KIAA0513: variants seen among roughly 807,000 people sequenced by gnomAD.
KIAA0513 encodes uncharacterized protein KIAA0513.
In KIAA0513, 39 loss-of-function variants were observed where a neutral mutation model predicts 56.5. The ratio of observed to expected loss-of-function variants is 0.69; its 90% CI spans 0.53 to 0.90. The LOEUF (loss-of-function observed/expected upper bound fraction) is 0.90. Among genes scored for constraint, KIAA0513 ranks in the 40% least tolerant of loss-of-function variants. The pLI is 0.00. For synonymous variants in KIAA0513, 268 were observed against 215.6 expected (o/e 1.24, Z -2.13); for missense variants, 591 against 535.2 (o/e 1.10, Z -1.03).
chr16:85,059,676 G>A (rs977942029), intron 1 of KIAA0513, among the ~76,000 whole-genome samples: 1 of 152,178 alleles, frequency 6.6e-6, no homozygotes, highest in Non-Finnish European at 1.5e-5. Context: ...TTTGTGTAGT[G>A]CTGCACTTTG....
chr16:85,053,863 G>A (rs762486873), intron 1 of KIAA0513, among the ~76,000 whole-genome samples: 16 of 152,170 alleles, frequency 1.1e-4, no homozygotes, highest in Non-Finnish European at 1.9e-4. Flanking sequence ...ATGGTGGCGT[G>A]CACCTGTAGT....
chr16:85,045,865 C>T (rs557651088), intron 1 of KIAA0513, among the ~76,000 whole-genome samples: 1 of 152,200 alleles, frequency 6.6e-6, no homozygotes, highest in Non-Finnish European at 1.5e-5. Context: ...GAGTAGCCCA[C>T]TTCCATCTGC....
intron 1 of KIAA0513, among the ~76,000 whole-genome samples, chr16:85,058,389 C>T (rs1481956276): frequency 6.6e-6 from 1 of 152,222 alleles, no homozygotes; most frequent in Non-Finnish European, 1.5e-5. Flanking sequence ...CGCGTTGGCT[C>T]ATGCCTATAA....
At chr16:85,060,868 A>G (rs897707104) in intron 1 of KIAA0513, among the ~76,000 whole-genome samples, 10 of 151,366 alleles carry the variant, frequency 6.6e-5, no homozygotes, top group Non-Finnish European at 1.0e-4. Flanking sequence ...AGAAGAAAGA[A>G]AAAGACTGGG....
intron 1 of KIAA0513, among the ~76,000 whole-genome samples, chr16:85,033,508 C>T (rs2072994690): frequency 6.6e-6 from 1 of 152,186 alleles, no homozygotes; most frequent in Non-Finnish European, 1.5e-5. Flanking sequence ...GCAATGCTGC[C>T]CAGAGGCGGT....
intron 1 of KIAA0513, among the ~76,000 whole-genome samples, chr16:85,054,724 C>T (rs147031668): frequency 6.2e-4 from 95 of 152,200 alleles, no homozygotes; most frequent in African/African-American, 2.2e-3. Flanking sequence ...GCCACCACGC[C>T]CAGCCAAAAT....
intron 3 of KIAA0513, 55 bp from the exon 4 acceptor site, chr16:85,072,870 A>G: frequency 6.6e-7 from 1 of 1,525,118 alleles, no homozygotes; most frequent in Non-Finnish European, 9.1e-7. Flanking sequence ...AGCTTCACTG[A>G]GTGCTGCGTG....
chr16:85,091,160 C>G lies in KIAA0513; in HGVS notation c.*2835C>G, dbSNP rs1022270322. ...CATCCATGGGGCCATTGCAGGCACT[C>G]TGCCGCCCGACCTTGAGGGCTGTGC... On this transcript the variant is annotated 3_prime_UTR_variant, in exon 13 of 13. Coordinates refer to ENST00000683363, the MANE Select transcript of KIAA0513 (RefSeq NM_001388359.1). 6.6e-6 allele frequency: 1 copy of G among 152,254 alleles called. No homozygotes were observed. Among genetic ancestry groups the G allele is most frequent in the Non-Finnish European group, 1.5e-5 (1 of 68,052 alleles). The allele number at this position is 152,254 out of a possible 1,614,324, so 9.4% of individuals were successfully genotyped here.
rs746792328 is a variant in KIAA0513 at position 85,072,972 on chromosome 16, G to T, written c.477G>T (p.Val159=). 1 of 1,614,148 alleles carries T rather than the reference G, an allele frequency of 6.2e-7. No homozygotes were observed. Among genetic ancestry groups the T allele is most frequent in the Non-Finnish European group, 8.5e-7 (1 of 1,179,996 alleles). ...CVSEATFYRL[V]QSFAVVLFEC... ...CAGAGGCAACCTTCTACCGCCTGGT[G>T]CAGTCTTTTGCAGTGGTGCTGTTCG... The change falls in exon 4 of 13, where the codon GTG becomes GTT. Residue 159 remains valine, a synonymous_variant. Coordinates refer to ENST00000683363, the MANE Select transcript of KIAA0513 (RefSeq NM_001388359.1).
At chr16:85,065,376 C>T (rs996575796) in intron 1 of KIAA0513, among the ~76,000 whole-genome samples, 1 of 152,234 alleles carries the variant, frequency 6.6e-6, no homozygotes, top group African/African-American at 2.4e-5. Context: ...TTGAGCTCAT[C>T]AGAGTCCTTG....
chr16:85,030,464 T>A (rs1020436071), intron 1 of KIAA0513, among the ~76,000 whole-genome samples: 2 of 152,160 alleles, frequency 1.3e-5, no homozygotes, highest in African/African-American at 4.8e-5. Flanking sequence ...GCCATAGGGC[T>A]GGGCGCGGTG....
At chr16:85,074,739 C>G (rs953620991) in intron 4 of KIAA0513, among the ~76,000 whole-genome samples, 5 of 152,208 alleles carry the variant, frequency 3.3e-5, no homozygotes, top group African/African-American at 1.2e-4. Context: ...TGGTTTAAAA[C>G]AGGCCCTCCA....
chr16:85,082,666 T>C, intron 10 of KIAA0513, 73 bp downstream of exon 10: 1 of 1,476,856 alleles, frequency 6.8e-7, no homozygotes, highest in Middle Eastern at 1.7e-4. Flanking sequence ...GGGTGGGGGC[T>C]GTGCACTGTG....
chr16:85,067,396 G>A lies in KIAA0513; in HGVS notation c.325G>A (p.Gly109Arg), dbSNP rs1299606735. 1 of 1,597,124 alleles carries A rather than the reference G, an allele frequency of 6.3e-7. No homozygotes were observed. Among genetic ancestry groups the A allele is most frequent in the African/African-American group, 1.3e-5 (1 of 74,866 alleles). ...MRGYVEKIFS[G>R]GEDLDQEEKA... Reference sequence around the variant, plus strand: ...TGGCTACGTGGAGAAGATCTTCTCTGGAGGGTAAGGGGCCTGTGTGGACGA... The same window carrying A: ...TGGCTACGTGGAGAAGATCTTCTCTAGAGGGTAAGGGGCCTGTGTGGACGA... The change falls in exon 2 of 13, where the codon GGA becomes AGA. Residue 109 changes from glycine to arginine, a missense_variant. By Grantham distance (125) the Gly-to-Arg change is moderately radical. Transcript: ENST00000683363.
chr16:85,058,920 T>G (rs186330938), intron 1 of KIAA0513, among the ~76,000 whole-genome samples: 1 of 152,272 alleles, frequency 6.6e-6, no homozygotes, highest in East Asian at 1.9e-4. Flanking sequence ...GCCAAGAAAC[T>G]CAACTAAATC....
chr16:85,048,249 G>A (rs2073198626), intron 1 of KIAA0513, among the ~76,000 whole-genome samples: 3 of 152,120 alleles, frequency 2.0e-5, no homozygotes, highest in Admixed American at 6.5e-5. Flanking sequence ...GAAGCCCTCT[G>A]CACCCACCCC....
chr16:85,045,965 C>G (rs1481322147), intron 1 of KIAA0513, among the ~76,000 whole-genome samples: 6 of 152,124 alleles, frequency 3.9e-5, no homozygotes, highest in Non-Finnish European at 1.5e-5. Flanking sequence ...CAATGTGCAT[C>G]TCAAAGGGAC....
At chr16:85,062,984 TGAGCGAGCCCCAGA>T (rs35649977) in intron 1 of KIAA0513, among the ~76,000 whole-genome samples, 2,713 of 152,280 alleles carry the variant, frequency 0.018, 40 homozygotes, top group Admixed American at 0.039. Flanking sequence ...CTTAGATCTG[TGAGCGAGCCCCAGA>T]CAGCTGAGAT....
chr16:85,066,546 C>T (rs1346847591), intron 1 of KIAA0513, among the ~76,000 whole-genome samples: 4 of 152,106 alleles, frequency 2.6e-5, no homozygotes, highest in Admixed American at 1.3e-4. Flanking sequence ...TGACAGCTAG[C>T]GGGCAGGTGG....
Sources: allele counts gnomAD v4.1 joint callset (sites outside exome capture counted in the v4.1 genomes callset), GRCh38; gene constraint gnomAD v4.1.1; transcripts MANE v1.5; gene names NCBI Gene and HGNC (gene_info 2026-07-23, HGNC 2026-07-21).